CFAP70: variants seen among roughly 807,000 people sequenced by gnomAD.
CFAP70 encodes the protein cilia and flagella associated protein 70.
A neutral mutation model predicts 137.6 loss-of-function variants in CFAP70; 81 were observed. The observed-to-expected ratio is 0.59, with a 90% CI of 0.49 to 0.71. The LOEUF (loss-of-function observed/expected upper bound fraction) is 0.71, where lower values mean the gene tolerates loss of function less well. Ranked by LOEUF, CFAP70 falls within the 30% of genes least tolerant of loss-of-function variation. The probability of loss-of-function intolerance (pLI) is 0.00; values close to 1 mark genes in which losing one functional copy is unlikely to be tolerated. For missense variants in CFAP70, 976 were observed against 1,226.7 expected, an observed-to-expected ratio of 0.80 and a Z score of 3.05; for synonymous variants, 382 against 423.6, an observed-to-expected ratio of 0.90 and a Z score of 1.20.
At chr10:73,292,972 T>C (rs560975735) in intron 16 of CFAP70, among the ~76,000 whole-genome samples, 1 of 152,346 alleles carries the variant, frequency 6.6e-6, no homozygotes, top group South Asian at 2.1e-4. Context: ...TACATTTAGA[T>C]ATATGTTCCA....
intron 1 of CFAP70, among the ~76,000 whole-genome samples, chr10:73,357,341 T>C (rs976944117): frequency 6.6e-6 from 1 of 152,156 alleles, no homozygotes; most frequent in African/African-American, 2.4e-5. Context: ...GATTTGAGAA[T>C]ACATATGCAT....
chr10:73,347,805 T>A (rs767125680), intron 4 of CFAP70, among the ~76,000 whole-genome samples: 2 of 152,172 alleles, frequency 1.3e-5, no homozygotes, highest in Non-Finnish European at 2.9e-5. Context: ...CTAAAGTATA[T>A]GAGGTGCTTT....
chr10:73,326,475 A>G (rs1331281671), intron 8 of CFAP70, among the ~76,000 whole-genome samples: 2 of 148,202 alleles, frequency 1.3e-5, no homozygotes, highest in Non-Finnish European at 3.0e-5. Flanking sequence ...AAGGCAAGAA[A>G]TAACTAAAAT....
intron 3 of CFAP70, among the ~76,000 whole-genome samples, chr10:73,352,001 T>C (rs758592483): frequency 3.5e-4 from 54 of 152,238 alleles, no homozygotes; most frequent in African/African-American, 1.2e-3. Context: ...AGCAGGGGAA[T>C]TGGAGTCCTG....
intron 7 of CFAP70, among the ~76,000 whole-genome samples, chr10:73,332,802 C>T (rs1049879247): frequency 2.6e-5 from 4 of 152,100 alleles, no homozygotes; most frequent in Admixed American, 2.0e-4. Context: ...AACATAAAAC[C>T]TCACACTAAA....
chr10:73,351,122 G>GTT (rs1292079920), intron 3 of CFAP70, among the ~76,000 whole-genome samples: 1 of 65,792 alleles, frequency 1.5e-5, no homozygotes, highest in African/African-American at 4.8e-5. Context: ...TGTATGTTTT[G>GTT]TTTTTTTTTT....
Position 73,291,625 on chromosome 10 carries a change from CAA to C in CFAP70, c.2020+13_2020+14del. 6.2e-7 allele frequency: 1 copy of C among 1,602,432 alleles called. No individual in the cohort carries two copies. Among genetic ancestry groups the C allele is most frequent in the Non-Finnish European group, 8.5e-7 (1 of 1,172,090 alleles). On this transcript the variant is annotated intron_variant, in intron 18 of 26. Transcript: ENST00000310715. The stretch of plus-strand genomic sequence containing the variant: ...ATGGGGAGAAAACACATTCAGATTA[CAA>C]GAAAATATCTACCAAGTAAAGTCCA...
At chr10:73,283,459 C>CT (rs2047414562) in intron 19 of CFAP70, among the ~76,000 whole-genome samples, 1 of 152,150 alleles carries the variant, frequency 6.6e-6, no homozygotes, top group Non-Finnish European at 1.5e-5. Context: ...ATGAATTTGT[C>CT]TGCATCTCCC....
intron 6 of CFAP70, among the ~76,000 whole-genome samples, chr10:73,338,470 GC>G (rs2052918277): frequency 1.6e-5 from 2 of 126,220 alleles, no homozygotes; most frequent in Admixed American, 1.8e-4. Flanking sequence ...TCACTCTGTT[GC>G]CCAGGCTGGA....
At chr10:73,344,886 A>G (rs1443079453) in intron 5 of CFAP70, among the ~76,000 whole-genome samples, 179 bp downstream of exon 6, 1 of 152,084 alleles carries the variant, frequency 6.6e-6, no homozygotes, top group Non-Finnish European at 1.5e-5. Flanking sequence ...ATAATATGTA[A>G]ATTATAAACA....
intron 9 of CFAP70, among the ~76,000 whole-genome samples, chr10:73,314,554 T>C (rs75649673): frequency 0.044 from 6,725 of 152,278 alleles, 462 homozygotes; most frequent in African/African-American, 0.15. Context: ...GTTTTTGAGG[T>C]TCGTCCATGC....
chr10:73,275,492 G>A lies in CFAP70; in HGVS notation c.2627C>T (p.Ala876Val). ...TTGTTGAAGGTATTCCTCTGCCTTG[G>A]CAAAGTTCTTCTTAAGAATGTGTGT... The change falls in exon 22 of 27, where the codon GCC (alanine) becomes GTC (valine). Residue 876 changes from alanine (A) to valine (V), a missense_variant. Coordinates refer to ENST00000310715, the Ensembl canonical transcript of CFAP70. This position sits in a 1 kb window ranked among gnomAD's most constrained non-coding sequence, Gnocchi z 4.0. The A allele has an allele frequency of 6.2e-7, 1 of 1,611,108 alleles. No individual in the cohort carries two copies. Among genetic ancestry groups the A allele is most frequent in the South Asian group, 1.1e-5 (1 of 90,258 alleles).
chr10:73,299,259 G>A (rs541877317), intron 13 of CFAP70, among the ~76,000 whole-genome samples, 158 bp from the exon 15 acceptor site: 2 of 152,210 alleles, frequency 1.3e-5, no homozygotes, highest in African/African-American at 2.4e-5. Flanking sequence ...CCAGGCTGGA[G>A]TACAGTGGTA....
chr10:73,343,590 T>C (rs747614916), intron 5 of CFAP70, among the ~76,000 whole-genome samples: 2 of 152,084 alleles, frequency 1.3e-5, no homozygotes, highest in Non-Finnish European at 2.9e-5. Context: ...GCACCTGTAG[T>C]TCCAGCTACT....
chr10:73,298,688 T>C (rs2048716600), intron 14 of CFAP70, among the ~76,000 whole-genome samples: 1 of 152,068 alleles, frequency 6.6e-6, no homozygotes, highest in Non-Finnish European at 1.5e-5. Flanking sequence ...AATAATTAGT[T>C]TCTTAAAAGC....
At chr10:73,260,039 A>C (rs895820245) in intron 25 of CFAP70, among the ~76,000 whole-genome samples, 1 of 150,900 alleles carries the variant, frequency 6.6e-6, no homozygotes, top group Non-Finnish European at 1.5e-5. Flanking sequence ...AAAAAAAAAG[A>C]AAAAAAAAGG....
chr10:73,282,277 A>G (rs2047314208), intron 19 of CFAP70, among the ~76,000 whole-genome samples: 1 of 152,174 alleles, frequency 6.6e-6, no homozygotes, highest in Non-Finnish European at 1.5e-5. Flanking sequence ...CCCCTCACAC[A>G]TATCCAAAAC....
At chr10:73,313,041 T>C (rs1056762189) in intron 9 of CFAP70, among the ~76,000 whole-genome samples, 7 of 152,012 alleles carry the variant, frequency 4.6e-5, no homozygotes, top group African/African-American at 1.4e-4. Context: ...CTGGGTAAAA[T>C]AGTGAGACTT....
chr10:73,285,922 A>AC (rs1282004775), intron 19 of CFAP70, among the ~76,000 whole-genome samples: 1 of 152,002 alleles, frequency 6.6e-6, no homozygotes, highest in African/African-American at 2.4e-5. Context: ...GACATGAGCC[A>AC]CCATTCCAGG....
Sources: gnomAD v4.1 joint callset for allele counts (sites outside exome capture counted in the v4.1 genomes callset) on GRCh38, gnomAD v4.1.1 for gene constraint, Gnocchi (gnomAD v3.1) non-coding constraint, MANE v1.5 for transcripts, NCBI Gene and HGNC (gene_info 2026-07-23, HGNC 2026-07-21) for gene names.